The following IQCJ variants were observed in gnomAD, a reference collection of about 807,000 sequenced individuals.
The protein encoded by IQCJ is IQ motif containing J, also known as IQ domain-containing protein J.
A neutral mutation model predicts 11.0 loss-of-function variants in IQCJ; 9 were observed. The observed-to-expected ratio is 0.82, with a 90% CI of 0.49 to 1.43. The LOEUF (loss-of-function observed/expected upper bound fraction) is 1.43, where lower values mean the gene tolerates loss of function less well. Ranked by LOEUF, IQCJ falls within the 40% of genes most tolerant of loss-of-function variation. The probability of loss-of-function intolerance (pLI) is 0.00; values close to 1 mark genes in which losing one functional copy is unlikely to be tolerated. For synonymous variants in IQCJ, 55 were observed against 51.3 expected, an observed-to-expected ratio of 1.07 and a Z score of -0.31; for missense variants, 146 against 133.2, an observed-to-expected ratio of 1.10 and a Z score of -0.47.
intron 1 of IQCJ, among the ~76,000 whole-genome samples, chr3:159,208,548 A>C (rs1263068001): frequency 6.6e-6 from 1 of 152,230 alleles, no homozygotes; most frequent in Non-Finnish European, 1.5e-5. Context: ...GTCCTCATCC[A>C]GGATTCTTAA....
chr3:159,235,822 A>G (rs1298861933), intron 1 of IQCJ, among the ~76,000 whole-genome samples: 1 of 152,244 alleles, frequency 6.6e-6, no homozygotes, highest in Non-Finnish European at 1.5e-5. Flanking sequence ...TTGGTCAAAC[A>G]AGAACAATGA....
At chr3:159,176,707 T>C (rs1312965243) in intron 1 of IQCJ, among the ~76,000 whole-genome samples, 1 of 152,178 alleles carries the variant, frequency 6.6e-6, no homozygotes, top group South Asian at 2.1e-4. Flanking sequence ...ATGTACTCAA[T>C]GCGAAAATTA....
At chr3:159,086,131 A>C (rs1175448200) in intron 1 of IQCJ, among the ~76,000 whole-genome samples, 1 of 152,196 alleles carries the variant, frequency 6.6e-6, no homozygotes, top group Admixed American at 6.5e-5. Context: ...AGCTTTCTAC[A>C]TATGGCTAGC....
In IQCJ at chr3:159,145,498, A is replaced by G. The variant is rs1005349132; in HGVS notation, c.9+76057A>G. Among the ~76,000 whole-genome samples the G allele has an allele frequency of 2.0e-5, 3 of 152,202 alleles. No individual in the cohort carries two copies. In the South Asian group the frequency reaches 6.2e-4, roughly 31 times the overall value. On this transcript the variant is annotated intron_variant, in intron 1 of 3. Coordinates refer to ENST00000397832, the MANE Select transcript of IQCJ (RefSeq NM_001042706.3). Reference sequence around the variant, plus strand: ...TTCCAGAGATTTTTTTTTCACAGGAATAATGAGTGTGAGTTGTAAAAAAAT... The same window carrying G: ...TTCCAGAGATTTTTTTTTCACAGGAGTAATGAGTGTGAGTTGTAAAAAAAT...
chr3:159,212,674 G>T (rs1449834213), intron 1 of IQCJ, among the ~76,000 whole-genome samples: 1 of 152,170 alleles, frequency 6.6e-6, no homozygotes, highest in African/African-American at 2.4e-5. Context: ...CCACTGTCTA[G>T]CTGAGTTCTT....
At chr3:159,240,209 G>T (rs720397) in intron 1 of IQCJ, among the ~76,000 whole-genome samples, 14,448 of 152,138 alleles carry the variant, frequency 0.095, 891 homozygotes, top group South Asian at 0.14. Context: ...ATATTGCAAA[G>T]GATAATCTAT....
intron 1 of IQCJ, among the ~76,000 whole-genome samples, chr3:159,208,961 A>G (rs748339900): frequency 3.0e-4 from 45 of 152,324 alleles, no homozygotes; most frequent in Middle Eastern, 3.4e-3. Context: ...CCTGGAGCTG[A>G]TAAGTAAAGA....
chr3:159,178,153 T>A (rs1722886927), intron 1 of IQCJ, among the ~76,000 whole-genome samples: 1 of 152,204 alleles, frequency 6.6e-6, no homozygotes, highest in Non-Finnish European at 1.5e-5. Flanking sequence ...AAAGATTTCT[T>A]TATTTCTATG....
intron 1 of IQCJ, among the ~76,000 whole-genome samples, chr3:159,138,163 G>A (rs1342177238): frequency 1.3e-5 from 2 of 152,166 alleles, no homozygotes; most frequent in Non-Finnish European, 1.5e-5. Flanking sequence ...ACAGTTGGAG[G>A]CCTGTTCTTT....
intron 1 of IQCJ, among the ~76,000 whole-genome samples, chr3:159,104,705 A>C (rs1184047793): frequency 6.6e-6 from 1 of 152,218 alleles, no homozygotes; most frequent in African/African-American, 2.4e-5. Context: ...AAGAAGTAGA[A>C]GATCTTTGCA....
chr3:159,163,703 A>G (rs1453511536), intron 1 of IQCJ, among the ~76,000 whole-genome samples: 2 of 152,122 alleles, frequency 1.3e-5, no homozygotes, highest in Non-Finnish European at 2.9e-5. Context: ...CCTTGTAACA[A>G]TCCTAGAAAG....
At chr3:159,134,736 A>G (rs1271787849) in intron 1 of IQCJ, among the ~76,000 whole-genome samples, 2 of 152,150 alleles carry the variant, frequency 1.3e-5, no homozygotes, top group Non-Finnish European at 2.9e-5. Context: ...CACTTCCACC[A>G]TCAACAATTA....
At chr3:159,165,780 A>ATT in intron 1 of IQCJ, among the ~76,000 whole-genome samples, 3 of 134,260 alleles carry the variant, frequency 2.2e-5, no homozygotes, top group Non-Finnish European at 4.7e-5. Flanking sequence ...TGCCCAGCTA[A>ATT]TTTTTGTATT....
intron 1 of IQCJ, among the ~76,000 whole-genome samples, chr3:159,133,066 T>C (rs892633799): frequency 2.0e-5 from 3 of 152,166 alleles, no homozygotes; most frequent in Non-Finnish European, 2.9e-5. Context: ...CTTTGAACCA[T>C]GCAAGACATT....
intron 2 of IQCJ, among the ~76,000 whole-genome samples, chr3:159,249,512 A>T (rs779028068): frequency 6.0e-4 from 91 of 152,176 alleles, no homozygotes; most frequent in Non-Finnish European, 1.2e-3. Flanking sequence ...CAGGACAGAG[A>T]GAAAACAAGC....
chr3:159,255,912 C>G (rs1727867449), intron 3 of IQCJ, among the ~76,000 whole-genome samples: 1 of 152,200 alleles, frequency 6.6e-6, no homozygotes, highest in Admixed American at 6.5e-5. Flanking sequence ...CTGAGCAACT[C>G]TAAGGCTAAA....
chr3:159,072,566 T>G (rs1462567042), intron 1 of IQCJ, among the ~76,000 whole-genome samples: 1 of 152,144 alleles, frequency 6.6e-6, no homozygotes, highest in East Asian at 1.9e-4. Context: ...ATTATTTGAT[T>G]AAGTAAACAT....
chr3:159,187,325 G>T (rs1044570163), intron 1 of IQCJ, among the ~76,000 whole-genome samples: 1 of 152,132 alleles, frequency 6.6e-6, no homozygotes, highest in Admixed American at 6.5e-5. Flanking sequence ...ACCTCTACTT[G>T]GTCTGGCCCA....
chr3:159,162,062 G>T lies in IQCJ; in HGVS notation c.10-83781G>T, dbSNP rs559542632. On this transcript the variant is annotated intron_variant, in intron 1 of 3. Transcript: ENST00000397832. ...CTTTAAAGAAGTTTTTTCCAATTCT[G>T]TGAAGAAAGTCATTGGTACCTTGAT... 3.6e-4 allele frequency among the ~76,000 whole-genome samples: 55 copies of T among 152,264 alleles called. No individual in the cohort carries two copies. The East Asian group carries it at 9.8e-3, about 27-fold the overall frequency.
Sources: allele counts gnomAD v4.1 joint callset (sites outside exome capture counted in the v4.1 genomes callset), GRCh38; gene constraint gnomAD v4.1.1; transcripts MANE v1.5; gene names NCBI Gene and HGNC (gene_info 2026-07-23, HGNC 2026-07-21).